Variants in EPB41 observed in about 807,000 individuals in gnomAD.
EPB41 encodes the protein protein 4.1.
A neutral mutation model predicts 108.0 loss-of-function variants in EPB41; 65 were observed. The ratio of observed to expected loss-of-function variants is 0.60; its 90% CI spans 0.49 to 0.74. The LOEUF (loss-of-function observed/expected upper bound fraction) is 0.74, where lower values mean the gene tolerates loss of function less well. Ranked by LOEUF, EPB41 falls within the 30% of genes least tolerant of loss-of-function variation. The pLI is 0.00. For missense variants in EPB41, 875 were observed against 1,037.0 expected, an observed-to-expected ratio of 0.84 and a Z score of 2.15; for synonymous variants, 336 against 358.9, an observed-to-expected ratio of 0.94 and a Z score of 0.72.
chr1:28,896,487 G>C (rs2090674026), intron 1 of EPB41, among the ~76,000 whole-genome samples: 1 of 152,186 alleles, frequency 6.6e-6, no homozygotes, highest in Admixed American at 6.5e-5. Context: ...AATCTGTGTA[G>C]TCCTTCCCCA....
chr1:28,907,287 G>A (rs1028205633), intron 1 of EPB41, among the ~76,000 whole-genome samples: 4 of 147,520 alleles, frequency 2.7e-5, no homozygotes, highest in Non-Finnish European at 4.5e-5. Context: ...GGCTGGTCTC[G>A]AACTCCCTAC....
rs189492303 is a variant in EPB41, at chr1:29,112,233, G to A, written c.2416-135G>A. ...CCAGGCTGGTCTCAAACTCCTGGCCGCAAGCATTCCTCCTATCTCAGCCTC... is the reference window on the plus strand; with the variant it reads ...CCAGGCTGGTCTCAAACTCCTGGCCACAAGCATTCCTCCTATCTCAGCCTC... On this transcript the variant is annotated intron_variant, in intron 18 of 20. Coordinates refer to ENST00000343067, the MANE Select transcript of EPB41 (RefSeq NM_001376013.1). 6.4e-4 allele frequency: 448 copies of A among 701,444 alleles called. 4 individuals are homozygous for A. The highest frequency in any genetic ancestry group is 4.2e-3 in the East Asian group (151 of 36,084). 43.5% of individuals were successfully genotyped at this position (701,444 alleles called of 1,614,324 possible). A position where few individuals can be genotyped will look rare whatever the true frequency, so the allele number is the denominator to read the frequency against.
upstream of EPB41, among the ~76,000 whole-genome samples, chr1:28,910,632 C>T (rs572290234): frequency 9.8e-5 from 15 of 152,332 alleles, no homozygotes; most frequent in Admixed American, 6.5e-4. Context: ...TGGCCTTCCC[C>T]ACTGGTCACC....
chr1:29,039,137 A>G lies in EPB41; in HGVS notation c.1464-117A>G, dbSNP rs114288880. 5,467 of 1,161,980 alleles carry G rather than the reference A, an allele frequency of 4.7e-3. 164 individuals carry two copies. The African/African-American group carries it at 0.073, about 15-fold the overall frequency. The allele number at this position is 1,161,980 out of a possible 1,614,324, so 72.0% of individuals were successfully genotyped here. On this transcript the variant is annotated intron_variant, in intron 10 of 20. Coordinates refer to ENST00000343067, the MANE Select transcript of EPB41 (RefSeq NM_001376013.1). Reference sequence around the variant, plus strand: ...CTTGATTGAAAATTTCTTAGTAACTATATGGAAACCCTGAGAATTGTGAAA... The same window carrying G: ...CTTGATTGAAAATTTCTTAGTAACTGTATGGAAACCCTGAGAATTGTGAAA...
chr1:29,033,271 C>T (rs747428530), intron 9 of EPB41, 26 bp downstream of exon 9: 4 of 1,611,310 alleles, frequency 2.5e-6, no homozygotes, highest in Non-Finnish European at 3.4e-6. Context: ...TTCCTTCCTC[C>T]CAAACCAGAC....
intron 4 of EPB41, among the ~76,000 whole-genome samples, chr1:29,007,874 T>C (rs2096434219): frequency 2.3e-5 from 3 of 129,768 alleles, no homozygotes; most frequent in Admixed American, 2.2e-4. Context: ...AAATCTTCTT[T>C]AATGGGTTCA....
chr1:29,111,428 G>A (rs867616371), intron 18 of EPB41, among the ~76,000 whole-genome samples: 3 of 151,900 alleles, frequency 2.0e-5, no homozygotes, highest in Non-Finnish European at 2.9e-5. Flanking sequence ...AGGCCGGGGC[G>A]GGCAGATCAC....
chr1:29,068,756 C>G, intron 16 of EPB41: 1 of 1,232,112 alleles, frequency 8.1e-7, no homozygotes, highest in Non-Finnish European at 1.0e-6. Flanking sequence ...CTGTCCTACC[C>G]TCGGAAAGAA....
upstream of EPB41, chr1:28,910,905 G>A: frequency 1.1e-6 from 1 of 896,100 alleles, no homozygotes; most frequent in Non-Finnish European, 1.3e-6. Flanking sequence ...TGGTCCTTAG[G>A]GACCCCATCC....
intron 18 of EPB41, 98 bp from the exon 19 acceptor site, chr1:29,112,270 A>C: frequency 1.0e-6 from 1 of 987,628 alleles, no homozygotes; most frequent in Non-Finnish European, 1.6e-6. Context: ...CAAAGTGTTG[A>C]GATTACAAGT....
intron 8 of EPB41, among the ~76,000 whole-genome samples, chr1:29,032,756 A>G (rs770424062): frequency 6.6e-6 from 1 of 152,170 alleles, no homozygotes; most frequent in Non-Finnish European, 1.5e-5. Flanking sequence ...TTAAGAACCT[A>G]AGATTGTCTT....
chr1:29,022,898 A>G (rs1420044930), intron 7 of EPB41, among the ~76,000 whole-genome samples: 1 of 152,088 alleles, frequency 6.6e-6, no homozygotes, highest in African/African-American at 2.4e-5. Context: ...AGATTTGTAA[A>G]TATGTAAAGC....
chr1:29,113,648 G>A (rs935885888), intron 19 of EPB41, among the ~76,000 whole-genome samples: 5 of 152,184 alleles, frequency 3.3e-5, no homozygotes, highest in Non-Finnish European at 5.9e-5. Context: ...CTGACTCTGC[G>A]ACCTAATTGG....
intron 16 of EPB41, chr1:29,070,235 TA>T: frequency 4.0e-6 from 3 of 753,024 alleles, no homozygotes; most frequent in Non-Finnish European, 3.6e-6. Context: ...AAAGTAAAGC[TA>T]AAATGAAGAG....
intron 17 of EPB41, among the ~76,000 whole-genome samples, chr1:29,104,800 G>A (rs1666596296): frequency 6.6e-6 from 1 of 152,080 alleles, no homozygotes; most frequent in Non-Finnish European, 1.5e-5. Context: ...ATGTTGGTCA[G>A]GCTGGTCTCG....
intron 7 of EPB41, among the ~76,000 whole-genome samples, chr1:29,025,235 C>T (rs1018845302): frequency 3.9e-5 from 6 of 152,036 alleles, no homozygotes; most frequent in Non-Finnish European, 7.3e-5. Flanking sequence ...TCTTTGAAAT[C>T]ACAATCCTTA....
intron 16 of EPB41, among the ~76,000 whole-genome samples, chr1:29,094,475 C>T (rs1259902471): frequency 6.6e-6 from 1 of 152,006 alleles, no homozygotes; most frequent in African/African-American, 2.4e-5. Context: ...AAGGTTTTGC[C>T]ACGTTGGCCA....
chr1:28,987,947 G>A (rs374397030), intron 2 of EPB41, 42 bp downstream of exon 2: 152 of 1,589,598 alleles, frequency 9.6e-5, no homozygotes, highest in Middle Eastern at 5.0e-4. Flanking sequence ...AGGAAGGCAG[G>A]TTATACACTT....
rs527653061 is a variant in EPB41 at position 29,099,080 on chromosome 1, G to A, written c.2313+1145G>A. ...TACCAGCACTTTGGGAGGCCGAGGCGGGCAGATCACGAGGTCAGGAGTTCA... is the reference window on the plus strand; with the variant it reads ...TACCAGCACTTTGGGAGGCCGAGGCAGGCAGATCACGAGGTCAGGAGTTCA... On this transcript the variant is annotated intron_variant, in intron 17 of 20. Transcript: ENST00000343067. Among the ~76,000 whole-genome samples the A allele has an allele frequency of 1.3e-4, 19 of 149,616 alleles. No homozygotes were observed. The East Asian group carries it at 2.1e-3, about 16-fold the overall frequency.
Sources: gnomAD v4.1 joint callset for allele counts (sites outside exome capture counted in the v4.1 genomes callset) on GRCh38, gnomAD v4.1.1 for gene constraint, MANE v1.5 for transcripts, NCBI Gene and HGNC (gene_info 2026-07-23, HGNC 2026-07-21) for gene names.